The following HSD17B12 variants were observed in gnomAD, a reference collection of about 807,000 sequenced individuals.
HSD17B12 encodes very-long-chain 3-oxoacyl-CoA reductase.
In HSD17B12, 32 loss-of-function variants were observed where a neutral mutation model predicts 39.3. That is an observed-to-expected ratio of 0.81 (90% CI 0.61 to 1.09). HSD17B12 has a LOEUF of 1.09. Among genes scored for constraint, HSD17B12 ranks in the 50% least tolerant of loss-of-function variants. HSD17B12 has a pLI of 0.00. For synonymous variants in HSD17B12, 150 were observed against 146.7 expected, an observed-to-expected ratio of 1.02 and a Z score of -0.16; for missense variants, 342 against 382.9, an observed-to-expected ratio of 0.89 and a Z score of 0.89.
rs145443243 is a variant in HSD17B12, at chr11:43,681,409, G to T, written c.160+422G>T. ...CGCTCGGTTTGAATATTGGCCCTGT[G>T]CTAAGGATGCAGAGCATTCTGTTAA... is the stretch of plus-strand genomic sequence containing the variant. On this transcript the variant is annotated intron_variant, in intron 1 of 10. Transcript: ENST00000278353. 779 of 159,994 alleles carry T rather than the reference G, an allele frequency of 4.9e-3. 5 individuals carry two copies. The highest frequency in any genetic ancestry group is 0.018 in the African/African-American group (751 of 41,592). The allele number at this position is 159,994 out of a possible 1,614,324, so 9.9% of individuals were successfully genotyped here.
chr11:43,661,788 A>T, the HSD17B12 span, among the ~76,000 whole-genome samples: 1 of 152,244 alleles, frequency 6.6e-6, no homozygotes, highest in Non-Finnish European at 1.5e-5. Flanking sequence ...TGATATATTC[A>T]TGCACAAAGT....
At chr11:43,703,203 CT>C (rs35146653) in intron 1 of HSD17B12, among the ~76,000 whole-genome samples, 2 of 151,286 alleles carry the variant, frequency 1.3e-5, no homozygotes, top group East Asian at 1.9e-4. Flanking sequence ...AATTAAACTT[CT>C]TTTTTTTTGA....
At chr11:43,605,526 A>C in the HSD17B12 span, among the ~76,000 whole-genome samples, 4 of 147,170 alleles carry the variant, frequency 2.7e-5, no homozygotes, top group East Asian at 2.0e-4. Flanking sequence ...ACGCCATTGC[A>C]CTCCAGCCTG....
the HSD17B12 span, among the ~76,000 whole-genome samples, chr11:43,656,586 T>C: frequency 6.6e-6 from 1 of 152,192 alleles, no homozygotes; most frequent in Non-Finnish European, 1.5e-5. Flanking sequence ...GTCCCAGAGA[T>C]TCTGGTATGT....
chr11:43,623,143 G>A, the HSD17B12 span, among the ~76,000 whole-genome samples: 5 of 152,068 alleles, frequency 3.3e-5, no homozygotes, highest in Admixed American at 3.3e-4. Context: ...ATGGTGTATG[G>A]TTTTTAGATC....
At chr11:43,745,079 G>T (rs529918721) in intron 1 of HSD17B12, among the ~76,000 whole-genome samples, 1 of 152,330 alleles carries the variant, frequency 6.6e-6, no homozygotes, top group East Asian at 1.9e-4. Context: ...CGGAAGGGAG[G>T]ATCTGGCTGG....
At chr11:43,707,446 C>T (rs151322772) in intron 1 of HSD17B12, among the ~76,000 whole-genome samples, 223 of 152,344 alleles carry the variant, frequency 1.5e-3, no homozygotes, top group Admixed American at 0.011. Flanking sequence ...TCCACTCCAA[C>T]CATACTGGCC....
At chr11:43,841,519 C>G (rs532385049) in intron 9 of HSD17B12, among the ~76,000 whole-genome samples, 1 of 152,254 alleles carries the variant, frequency 6.6e-6, no homozygotes, top group East Asian at 1.9e-4. Flanking sequence ...TTTTCTAGTT[C>G]TAGCTCTTTG....
At chr11:43,826,063 T>C (rs755161065) in intron 6 of HSD17B12, among the ~76,000 whole-genome samples, 2 of 150,196 alleles carry the variant, frequency 1.3e-5, no homozygotes, top group Admixed American at 6.7e-5. Context: ...TATGATTGTA[T>C]ATGCAGTCTT....
At chr11:43,781,132 A>G (rs1950761496) in intron 3 of HSD17B12, among the ~76,000 whole-genome samples, 1 of 152,044 alleles carries the variant, frequency 6.6e-6, no homozygotes, top group South Asian at 2.1e-4. Flanking sequence ...GACCTATAAA[A>G]TTTCCTCTGA....
intron 4 of HSD17B12, among the ~76,000 whole-genome samples, chr11:43,809,450 A>G (rs1430453244): frequency 6.6e-6 from 1 of 152,196 alleles, no homozygotes; most frequent in Admixed American, 6.5e-5. Flanking sequence ...TTTGGTATAT[A>G]CACTGTTACT....
chr11:43,737,949 T>C (rs911532095), intron 1 of HSD17B12, among the ~76,000 whole-genome samples: 4 of 151,212 alleles, frequency 2.6e-5, no homozygotes, highest in Non-Finnish European at 5.9e-5. Flanking sequence ...GGCGGGCGCC[T>C]GTAGTCCCAG....
the HSD17B12 span, among the ~76,000 whole-genome samples, chr11:43,624,034 G>A: frequency 6.6e-6 from 1 of 151,118 alleles, no homozygotes; most frequent in Non-Finnish European, 1.5e-5. Flanking sequence ...AAGAGTTGAA[G>A]CAATTATTCA....
At chr11:43,854,997 G>A (rs1951569088) in intron 10 of HSD17B12, 133 bp downstream of exon 10, 1 of 1,090,798 alleles carries the variant, frequency 9.2e-7, no homozygotes, top group African/African-American at 1.6e-5. Flanking sequence ...TCTATATCTT[G>A]TTATAATTAT....
the HSD17B12 span, among the ~76,000 whole-genome samples, chr11:43,656,833 T>C: frequency 2.0e-5 from 3 of 152,326 alleles, no homozygotes; most frequent in African/African-American, 7.2e-5. Flanking sequence ...ATGTGGTCAA[T>C]TTTGGAATAG....
At chr11:43,660,181 C>T in the HSD17B12 span, among the ~76,000 whole-genome samples, 1 of 152,290 alleles carries the variant, frequency 6.6e-6, no homozygotes, top group Non-Finnish European at 1.5e-5. Context: ...CCCTCTCCTG[C>T]TGGAGGGTAG....
At chr11:43,850,006 C>T (rs1951515542) in intron 9 of HSD17B12, among the ~76,000 whole-genome samples, 1 of 152,182 alleles carries the variant, frequency 6.6e-6, no homozygotes, top group African/African-American at 2.4e-5. Context: ...CAACATTTAT[C>T]AAGGATCTTT....
At chr11:43,605,830 T>G in the HSD17B12 span, among the ~76,000 whole-genome samples, 16 of 152,232 alleles carry the variant, frequency 1.1e-4, no homozygotes, top group African/African-American at 3.9e-4. Context: ...GTGCCACAGT[T>G]CCTTGCATTC....
intron 3 of HSD17B12, among the ~76,000 whole-genome samples, chr11:43,787,736 C>G (rs547551923): frequency 2.5e-5 from 3 of 118,536 alleles, no homozygotes; most frequent in African/African-American, 2.8e-5. Context: ...GACTCCGTCT[C>G]GGAAAAAAAA....
Sources: allele counts gnomAD v4.1 joint callset (sites outside exome capture counted in the v4.1 genomes callset), GRCh38; gene constraint gnomAD v4.1.1; transcripts MANE v1.5; gene names NCBI Gene and HGNC (gene_info 2026-07-23, HGNC 2026-07-21).